DPYD: variants seen among roughly 807,000 people sequenced by gnomAD.
The protein encoded by DPYD is dihydropyrimidine dehydrogenase, also known as dihydropyrimidine dehydrogenase [NADP(+)].
In DPYD, 109 loss-of-function variants were observed where a neutral mutation model predicts 116.2. That is an observed-to-expected ratio of 0.94 (90% confidence interval 0.80 to 1.10). The LOEUF is 1.10. Ranked by LOEUF, DPYD falls within the 50% of genes least tolerant of loss-of-function variation. DPYD has a pLI of 0.00. For missense variants in DPYD, 1,302 were observed against 1,254.5 expected (o/e 1.04, Z -0.57); for synonymous variants, 440 against 432.0 (o/e 1.02, Z -0.23).
Position 97,536,584 on chromosome 1 carries a change from G to A in DPYD, c.1524+12976C>T, listed in dbSNP as rs116932743. Reference sequence around the variant, plus strand: ...CATATCGATGATGCCCTTTCTTCAGGCATTTTTATTCTTTAAGTGCAAGAA... The same window carrying A: ...CATATCGATGATGCCCTTTCTTCAGACATTTTTATTCTTTAAGTGCAAGAA... On this transcript the variant is annotated intron_variant, in intron 12 of 22. Coordinates refer to ENST00000370192, the MANE Select transcript of DPYD (RefSeq NM_000110.4). Among the ~76,000 whole-genome samples, 21 of 152,262 alleles carry A rather than the reference G, an allele frequency of 1.4e-4. No individual in the cohort carries two copies. The East Asian group carries it at 3.7e-3, about 27-fold the overall frequency.
chr1:97,302,617 T>C (rs1261988280), intron 18 of DPYD, among the ~76,000 whole-genome samples: 2 of 151,994 alleles, frequency 1.3e-5, no homozygotes, highest in Non-Finnish European at 1.5e-5. Flanking sequence ...TATAGTCTTA[T>C]TGACTTCTTT....
chr1:97,410,297 ATAAT>A (rs1188616341), intron 14 of DPYD, among the ~76,000 whole-genome samples: 2 of 152,198 alleles, frequency 1.3e-5, no homozygotes, highest in Non-Finnish European at 2.9e-5. Context: ...TGTGGAATGA[ATAAT>A]TAGACACTAA....
At chr1:97,184,046 C>A (rs1349533235) in intron 20 of DPYD, among the ~76,000 whole-genome samples, 1 of 152,014 alleles carries the variant, frequency 6.6e-6, no homozygotes, top group Admixed American at 6.6e-5. Flanking sequence ...CATTAGTTTG[C>A]TAAAAATAAT....
chr1:97,773,782 C>T (rs1018125665), intron 3 of DPYD, among the ~76,000 whole-genome samples: 1 of 152,192 alleles, frequency 6.6e-6, no homozygotes, highest in Non-Finnish European at 1.5e-5. Context: ...CTTCCTACTC[C>T]ATCCCCCTTC....
intron 20 of DPYD, among the ~76,000 whole-genome samples, chr1:97,124,065 G>T (rs1272232164): frequency 6.6e-6 from 1 of 152,086 alleles, no homozygotes; most frequent in African/African-American, 2.4e-5. Flanking sequence ...ACTTTGGAAG[G>T]AGTATTTTGC....
At chr1:97,810,015 G>A (rs1668269042) in intron 3 of DPYD, among the ~76,000 whole-genome samples, 1 of 152,054 alleles carries the variant, frequency 6.6e-6, no homozygotes, top group African/African-American at 2.4e-5. Context: ...GGCCGGGCGT[G>A]GTGGCTCATG....
chr1:97,559,719 C>A (rs191212190), intron 11 of DPYD, among the ~76,000 whole-genome samples: 14 of 151,788 alleles, frequency 9.2e-5, no homozygotes, highest in Admixed American at 7.2e-4. Flanking sequence ...TTTGTTTAAA[C>A]AATTTTAGTA....
intron 6 of DPYD, 132 bp downstream of exon 6, chr1:97,699,219 A>T (rs1056354573): frequency 1.7e-5 from 17 of 1,009,166 alleles, no homozygotes; most frequent in Non-Finnish European, 4.4e-6. Context: ...AAACTTGAAC[A>T]TTTGGAAAAA....
intron 3 of DPYD, among the ~76,000 whole-genome samples, chr1:97,821,440 A>G (rs547653845): frequency 6.6e-6 from 1 of 152,288 alleles, no homozygotes; most frequent in East Asian, 1.9e-4. Context: ...TATGATAGTA[A>G]AGAAATCAAA....
At chr1:97,695,605 A>G (rs1445872834) in intron 6 of DPYD, among the ~76,000 whole-genome samples, 2 of 151,478 alleles carry the variant, frequency 1.3e-5, no homozygotes, top group African/African-American at 2.4e-5. Context: ...ATATATATAT[A>G]CTGAAGGAAG....
chr1:97,531,687 A>T (rs900586508), intron 12 of DPYD, among the ~76,000 whole-genome samples: 1 of 152,120 alleles, frequency 6.6e-6, no homozygotes, highest in South Asian at 2.1e-4. Flanking sequence ...TTTGATAAGG[A>T]TTTCATTGAA....
chr1:97,329,104 C>A (rs910031700), intron 16 of DPYD, among the ~76,000 whole-genome samples: 4 of 152,016 alleles, frequency 2.6e-5, no homozygotes, highest in African/African-American at 9.7e-5. Flanking sequence ...AAGCCTAAAG[C>A]ACCTATTAAA....
chr1:97,673,445 T>C (rs1432306265), intron 8 of DPYD, among the ~76,000 whole-genome samples: 2 of 152,132 alleles, frequency 1.3e-5, no homozygotes, highest in African/African-American at 4.8e-5. Context: ...TTAAGCAACC[T>C]ATAAATTTAC....
intron 20 of DPYD, among the ~76,000 whole-genome samples, chr1:97,186,202 C>A (rs190344864): frequency 6.4e-4 from 97 of 152,112 alleles, no homozygotes; most frequent in African/African-American, 2.3e-3. Context: ...TTACCACAAC[C>A]AAATAGCAAT....
chr1:97,367,283 T>A (rs867261), intron 16 of DPYD, among the ~76,000 whole-genome samples: 42,197 of 148,560 alleles, frequency 0.28, 6,685 homozygotes, highest in East Asian at 0.58. Context: ...CTCTTTTTTT[T>A]AAAAAAAAAA....
chr1:97,431,608 C>G (rs1054402360), intron 14 of DPYD, among the ~76,000 whole-genome samples: 1 of 151,866 alleles, frequency 6.6e-6, no homozygotes, highest in African/African-American at 2.4e-5. Context: ...TTATGGAGTA[C>G]CTATGATATT....
intron 20 of DPYD, among the ~76,000 whole-genome samples, chr1:97,142,532 C>A (rs1159860695): frequency 6.6e-6 from 1 of 152,116 alleles, no homozygotes; most frequent in African/African-American, 2.4e-5. Flanking sequence ...TTTCAAACAG[C>A]TCATTCTTTG....
intron 13 of DPYD, among the ~76,000 whole-genome samples, chr1:97,505,542 A>G (rs965993954): frequency 1.3e-5 from 2 of 151,872 alleles, no homozygotes; most frequent in Non-Finnish European, 2.9e-5. Flanking sequence ...GTAACATTTT[A>G]GTATTAAGTA....
At chr1:97,243,095 C>T (rs1378272183) in intron 18 of DPYD, among the ~76,000 whole-genome samples, 1 of 151,802 alleles carries the variant, frequency 6.6e-6, no homozygotes, top group Non-Finnish European at 1.5e-5. Flanking sequence ...ATCTTGATGG[C>T]TACTTGACAG....
Sources: gnomAD v4.1 joint callset for allele counts (sites outside exome capture counted in the v4.1 genomes callset) on GRCh38, gnomAD v4.1.1 for gene constraint, MANE v1.5 for transcripts, NCBI Gene and HGNC (gene_info 2026-07-23, HGNC 2026-07-21) for gene names.